Variants in TRIM61 observed in about 807,000 individuals in gnomAD.
The protein encoded by TRIM61 is putative tripartite motif-containing protein 61.
In TRIM61, 1 loss-of-function variant was observed where a neutral mutation model predicts 14.2. The observed-to-expected ratio is 0.07, with a 90% CI of 0.03 to 0.33. The LOEUF is 0.33. Ranked by LOEUF, TRIM61 falls within the 10% of genes least tolerant of loss-of-function variation. TRIM61 has a pLI of 0.99. For missense variants in TRIM61, 19 were observed against 202.2 expected (o/e 0.09, Z 5.49); for synonymous variants, 8 against 71.6 (o/e 0.11, Z 4.49).
At chr4:164,968,924 G>C (rs1364948303) in intron 3 of TRIM61, 7 of 995,456 alleles carry the variant, frequency 7.0e-6, no homozygotes, top group Non-Finnish European at 8.4e-6. Context: ...AATCCATTCA[G>C]GCTTGTCTTT....
At chr4:164,957,450 T>A (rs1413841134) in intron 3 of TRIM61, 2 of 1,613,744 alleles carry the variant, frequency 1.2e-6, no homozygotes, top group Non-Finnish European at 1.7e-6. Flanking sequence ...ACTAGAGGGT[T>A]TGGGTCTGCA....
intron 3 of TRIM61, among the ~76,000 whole-genome samples, chr4:164,965,984 A>G (rs554069420): frequency 1.3e-5 from 2 of 152,260 alleles, no homozygotes; most frequent in African/African-American, 4.8e-5. Flanking sequence ...CGAAATGGAA[A>G]AACATAAAGA....
Position 164,977,588 on chromosome 4 carries a change from C to G in TRIM61, c.-533G>C, listed in dbSNP as rs1184667814. The G allele has an allele frequency of 6.6e-6, 1 of 152,220 alleles. No individual in the cohort carries two copies. The highest frequency in any genetic ancestry group is 1.5e-5 in the Non-Finnish European group (1 of 68,064). The allele number at this position is 152,220 out of a possible 1,614,324, so 9.4% of individuals were successfully genotyped here. A position where few individuals can be genotyped will look rare whatever the true frequency, so the allele number is the denominator to read the frequency against. On this transcript the variant is annotated 5_prime_UTR_variant, in exon 1 of 5. Transcript: ENST00000329314. ...GAATACTCAGGACCCACCGAGCCCC[C>G]GCGAGGAAGGACTCATACCCCAACC...
Position 164,961,190 on chromosome 4 carries a change from A to AAAAG in TRIM61, c.526-6098_526-6095dup, listed in dbSNP as rs751094676. ...AAAAAAAAAAAAAAAAAAAAAAAAA[A>AAAAG]AAAGAAAGAAAAATAACAATAATTG... On this transcript the variant is annotated intron_variant, in intron 3 of 4. Coordinates refer to ENST00000329314, the MANE Select transcript of TRIM61 (RefSeq NM_001012414.3). Among the ~76,000 whole-genome samples the AAAAG allele has an allele frequency of 3.4e-4, 48 of 141,242 alleles. 1 individual carries two copies. The highest frequency in any genetic ancestry group is 4.4e-4 in the Non-Finnish European group (29 of 65,508). The allele number at this position is 141,242 out of a possible 152,430, so 92.7% of individuals were successfully genotyped here.
At position 164,970,204 on chromosome 4, in the gene TRIM61, T is replaced by A. The variant is rs201514283; in HGVS notation, c.-202A>T. 100,704 of 547,478 alleles carry A rather than the reference T, an allele frequency of 0.18. No homozygotes were observed. Among genetic ancestry groups the A allele is most frequent in the Admixed American group, 0.24 (7,343 of 31,100 alleles). The allele number at this position is 547,478 out of a possible 1,614,324, so 33.9% of individuals were successfully genotyped here. On this transcript the variant is annotated 5_prime_UTR_variant, in exon 3 of 5. Transcript: ENST00000329314. The stretch of plus-strand genomic sequence containing the variant: ...TCAGCTCCTTAGCTTCAGAGTCTAC[T>A]GCCACGAACACTTCACAGCCTGCAG...
chr4:164,974,858 A>C (rs1732447480), intron 2 of TRIM61, among the ~76,000 whole-genome samples: 2 of 152,188 alleles, frequency 1.3e-5, no homozygotes, highest in Admixed American at 6.5e-5. Flanking sequence ...CAGAACAAGA[A>C]AGTTAGAAAG....
At chr4:164,957,462 T>C in intron 3 of TRIM61, 1 of 1,613,734 alleles carries the variant, frequency 6.2e-7, no homozygotes. Flanking sequence ...GGGTCTGCAG[T>C]GGGCTGGCTC....
intron 3 of TRIM61, chr4:164,957,830 C>A: frequency 4.7e-6 from 1 of 214,260 alleles, no homozygotes; most frequent in Admixed American, 5.3e-5. Flanking sequence ...ACTATTCACT[C>A]AAATAATTAG....
intron 2 of TRIM61, among the ~76,000 whole-genome samples, chr4:164,976,292 A>G (rs550267498): frequency 1.3e-5 from 2 of 152,278 alleles, no homozygotes; most frequent in Admixed American, 1.3e-4. Flanking sequence ...TTGTTTCTCT[A>G]TACTTTGTCT....
At chr4:164,961,460 C>T (rs1423886603) in intron 3 of TRIM61, among the ~76,000 whole-genome samples, 1 of 151,524 alleles carries the variant, frequency 6.6e-6, no homozygotes, top group East Asian at 1.9e-4. Flanking sequence ...AAAAGAGAGC[C>T]TTAGAACTGT....
intron 3 of TRIM61, chr4:164,968,869 T>A (rs1379602962): frequency 2.0e-6 from 2 of 988,320 alleles, no homozygotes; most frequent in Non-Finnish European, 2.4e-6. Flanking sequence ...CTAAAATTGG[T>A]TGACTCTTCC....
At position 164,965,446 on chromosome 4, in the gene TRIM61, CT is replaced by C. The variant is rs70952674; in HGVS notation, c.525+4031del. On this transcript the variant is annotated intron_variant, in intron 3 of 4. Coordinates refer to ENST00000329314, the MANE Select transcript of TRIM61 (RefSeq NM_001012414.3). ...TCATGCTTATAGAATTCTGCCTATG[CT>C]TTTTTTTTTTTTTTTTTGAGATGAT... 6.0e-3 allele frequency among the ~76,000 whole-genome samples: 762 copies of C among 126,260 alleles called. 6 individuals carry two copies. Among genetic ancestry groups the C allele is most frequent in the African/African-American group, 0.019 (616 of 32,764 alleles). The allele number at this position is 126,260 out of a possible 152,430, so 82.8% of individuals were successfully genotyped here.
intron 4 of TRIM61, chr4:164,954,953 T>C: frequency 6.0e-6 from 2 of 332,620 alleles, no homozygotes; most frequent in Non-Finnish European, 1.2e-5. Flanking sequence ...ATACAGAAGT[T>C]AGCTGGGCAT....
rs147410525 is a variant in TRIM61, at chr4:164,962,922, G to C, written c.525+6556C>G. On this transcript the variant is annotated intron_variant, in intron 3 of 4. Transcript: ENST00000329314. Reference sequence around the variant, plus strand: ...GAGAATTGGGAATATACTATTACAAGGTTCTTATACTGAAAGGGAAACAGT... The same window carrying C: ...GAGAATTGGGAATATACTATTACAACGTTCTTATACTGAAAGGGAAACAGT... Among the ~76,000 whole-genome samples the C allele has an allele frequency of 3.5e-3, 529 of 152,238 alleles. 5 individuals are homozygous for C. The highest frequency in any genetic ancestry group is 0.012 in the African/African-American group (506 of 41,538).
At chr4:164,971,947 A>T (rs1282575223) in intron 2 of TRIM61, among the ~76,000 whole-genome samples, 1 of 152,164 alleles carries the variant, frequency 6.6e-6, no homozygotes, top group Non-Finnish European at 1.5e-5. Context: ...CATGGTTTTG[A>T]CATGTGAAAC....
chr4:164,971,581 ACT>A (rs1233614852), intron 2 of TRIM61, among the ~76,000 whole-genome samples: 11 of 150,148 alleles, frequency 7.3e-5, no homozygotes, highest in African/African-American at 2.0e-4. Context: ...ACAGAGGGAA[ACT>A]CTGTCTCAAA....
In TRIM61 at chr4:164,956,407, T is replaced by C. The variant is rs1731991174; in HGVS notation, c.526-1311A>G. On this transcript the variant is annotated intron_variant, in intron 3 of 4. Coordinates refer to ENST00000329314, the MANE Select transcript of TRIM61 (RefSeq NM_001012414.3). ...AATTGTGGAGTATTTCATACATCCA[T>C]AATAGTAGAGAGAACATTATGAAGA... Among the ~76,000 whole-genome samples, 3 of 152,076 alleles carry C rather than the reference T, an allele frequency of 2.0e-5. No homozygotes were observed. In the South Asian group the frequency reaches 6.2e-4, roughly 32 times the overall value.
chr4:164,971,914 G>A (rs980947852), intron 2 of TRIM61, among the ~76,000 whole-genome samples: 3 of 151,960 alleles, frequency 2.0e-5, no homozygotes, highest in Admixed American at 6.6e-5. Context: ...ATAACCCAAC[G>A]ACAGTGACAG....
intron 3 of TRIM61, chr4:164,957,733 A>C: frequency 1.9e-6 from 1 of 518,964 alleles, no homozygotes; most frequent in Non-Finnish European, 3.4e-6. Context: ...TATAAAGAAT[A>C]GGATATGATA....
Sources: gnomAD v4.1 joint callset for allele counts (sites outside exome capture counted in the v4.1 genomes callset) on GRCh38, gnomAD v4.1.1 for gene constraint, MANE v1.5 for transcripts, NCBI Gene and HGNC (gene_info 2026-07-23, HGNC 2026-07-21) for gene names.